ZFAT: variants seen among roughly 807,000 people sequenced by gnomAD.
The protein encoded by ZFAT is zinc finger protein ZFAT.
ZFAT carries 64 observed loss-of-function variants against 117.7 expected under a neutral mutation model. The observed-to-expected ratio is 0.54, with a 90% confidence interval of 0.44 to 0.67. The LOEUF (loss-of-function observed/expected upper bound fraction) is 0.67, where lower values mean the gene tolerates loss of function less well. Among genes scored for constraint, ZFAT ranks in the 30% least tolerant of loss-of-function variants. The probability of loss-of-function intolerance (pLI) is 0.00; values close to 1 mark genes in which losing one functional copy is unlikely to be tolerated. For missense variants in ZFAT, 1,433 were observed against 1,584.5 expected (o/e 0.90, Z 1.62); for synonymous variants, 679 against 615.0 (o/e 1.10, Z -1.54).
chr8:134,715,415 C>T (rs762458110), upstream of ZFAT, among the ~76,000 whole-genome samples: 5 of 152,222 alleles, frequency 3.3e-5, no homozygotes, highest in Non-Finnish European at 7.3e-5. Context: ...TGGAAACTGT[C>T]CTGGCCATAG....
the ZFAT span, among the ~76,000 whole-genome samples, chr8:134,811,306 GA>G: frequency 1.3e-5 from 2 of 152,116 alleles, no homozygotes; most frequent in African/African-American, 4.8e-5. Context: ...TGAAGACTGG[GA>G]AGCACAACTG....
intron 15 of ZFAT, among the ~76,000 whole-genome samples, chr8:134,483,440 A>C (rs1817456259): frequency 6.6e-6 from 1 of 152,118 alleles, no homozygotes; most frequent in Non-Finnish European, 1.5e-5. Context: ...GATATGATTA[A>C]ATTATCACTC....
chr8:134,746,934 T>C, the ZFAT span, among the ~76,000 whole-genome samples: 1 of 152,190 alleles, frequency 6.6e-6, no homozygotes, highest in Admixed American at 6.5e-5. Flanking sequence ...AAAATGGAGA[T>C]GAGATTAATG....
At chr8:134,637,130 A>G (rs555810143) in intron 3 of ZFAT, among the ~76,000 whole-genome samples, 26 of 152,344 alleles carry the variant, frequency 1.7e-4, no homozygotes, top group Non-Finnish European at 3.2e-4. Flanking sequence ...TTATCGATTA[A>G]CATGATGCAT....
chr8:134,810,735 A>G, the ZFAT span, among the ~76,000 whole-genome samples: 1 of 138,678 alleles, frequency 7.2e-6, no homozygotes, highest in South Asian at 2.2e-4. Context: ...TGAATATTAA[A>G]TAAAATTATG....
the ZFAT span, among the ~76,000 whole-genome samples, chr8:134,775,419 G>A: frequency 6.6e-6 from 1 of 152,186 alleles, no homozygotes; most frequent in South Asian, 2.1e-4. Context: ...CATAAAGCCT[G>A]GTTAAACAGA....
intron 15 of ZFAT, among the ~76,000 whole-genome samples, chr8:134,482,755 C>T (rs1339241850): frequency 3.3e-5 from 5 of 152,210 alleles, no homozygotes; most frequent in African/African-American, 4.8e-5. Flanking sequence ...CCAGAAAAAG[C>T]GATGGAGGCA....
chr8:134,532,708 A>C, intron 12 of ZFAT, 126 bp downstream of exon 12: 1 of 1,276,302 alleles, frequency 7.8e-7, no homozygotes, highest in Non-Finnish European at 1.1e-6. Context: ...AGGACGATGA[A>C]GAATGAACAT....
the ZFAT span, among the ~76,000 whole-genome samples, chr8:134,777,091 T>G: frequency 6.6e-6 from 1 of 152,188 alleles, no homozygotes; most frequent in Non-Finnish European, 1.5e-5. Flanking sequence ...TCTGTAACCT[T>G]GGGTAAATCA....
intron 6 of ZFAT, 133 bp from the exon 7 acceptor site, chr8:134,600,801 TCAC>T (rs1827369053): frequency 8.4e-6 from 6 of 716,524 alleles, no homozygotes; most frequent in East Asian, 2.9e-5. Flanking sequence ...TTCATACTTT[TCAC>T]CACATTTCTG....
intron 10 of ZFAT, among the ~76,000 whole-genome samples, chr8:134,566,102 T>C (rs190885126): frequency 6.6e-5 from 10 of 152,162 alleles, no homozygotes; most frequent in Non-Finnish European, 5.9e-5. Context: ...CTTAAAAAGA[T>C]TAAGGTTTTA....
At chr8:134,636,932 G>C (rs916578418) in intron 3 of ZFAT, among the ~76,000 whole-genome samples, 1 of 152,192 alleles carries the variant, frequency 6.6e-6, no homozygotes, top group Admixed American at 6.5e-5. Flanking sequence ...CTGAAATCTA[G>C]TCCTCAGCCA....
the ZFAT span, among the ~76,000 whole-genome samples, chr8:134,818,193 GAAGA>G: frequency 2.0e-5 from 3 of 152,258 alleles, no homozygotes; most frequent in East Asian, 5.8e-4. Flanking sequence ...TTAAGAGAAT[GAAGA>G]GACAAACCAT....
chr8:134,667,286 A>T (rs1206315942), intron 1 of ZFAT, among the ~76,000 whole-genome samples: 1 of 152,068 alleles, frequency 6.6e-6, no homozygotes, highest in East Asian at 1.9e-4. Flanking sequence ...AGGTCAGGAG[A>T]TCCAGACCAC....
the ZFAT span, among the ~76,000 whole-genome samples, chr8:134,767,474 C>A: frequency 6.6e-6 from 1 of 152,154 alleles, no homozygotes; most frequent in Non-Finnish European, 1.5e-5. Context: ...CATGATAATA[C>A]CATGGTATAA....
At chr8:134,803,852 G>GAAA in the ZFAT span, among the ~76,000 whole-genome samples, 4 of 152,052 alleles carry the variant, frequency 2.6e-5, no homozygotes, top group African/African-American at 4.8e-5. Flanking sequence ...TCTAATCAAA[G>GAAA]AAAATAAGCA....
intron 15 of ZFAT, among the ~76,000 whole-genome samples, chr8:134,493,277 C>G (rs929941355): frequency 5.9e-5 from 9 of 152,180 alleles, no homozygotes; most frequent in Non-Finnish European, 1.3e-4. Context: ...CTGCTGCCAC[C>G]TGCAACACGG....
At chr8:134,561,546 ATTAATT>A (rs1184196779) in intron 11 of ZFAT, among the ~76,000 whole-genome samples, 2 of 152,260 alleles carry the variant, frequency 1.3e-5, no homozygotes, top group East Asian at 1.9e-4. Flanking sequence ...TAGTGAACAC[ATTAATT>A]TTATTTTTAA....
At chr8:134,705,505 C>T (rs978065751) in intron 1 of ZFAT, among the ~76,000 whole-genome samples, 1 of 151,776 alleles carries the variant, frequency 6.6e-6, no homozygotes, top group South Asian at 2.1e-4. Context: ...GCATGAGCCA[C>T]CACACTCAGC....
Sources: allele counts gnomAD v4.1 joint callset (sites outside exome capture counted in the v4.1 genomes callset), GRCh38; gene constraint gnomAD v4.1.1; transcripts MANE v1.5; gene names NCBI Gene and HGNC (gene_info 2026-07-23, HGNC 2026-07-21).